SCN2A: variants seen among roughly 807,000 people sequenced by gnomAD.
SCN2A encodes the protein sodium channel protein type 2 subunit alpha.
A neutral mutation model predicts 188.7 loss-of-function variants in SCN2A; 20 were observed. The ratio of observed to expected loss-of-function variants is 0.11; its 90% CI spans 0.07 to 0.15. The LOEUF (loss-of-function observed/expected upper bound fraction) is 0.15, where lower values mean the gene tolerates loss of function less well. SCN2A is among the 10% of genes least tolerant of loss of function. SCN2A has a pLI of 1.00. For synonymous variants in SCN2A, 804 were observed against 833.1 expected (o/e 0.97, Z 0.60); for missense variants, 1,278 against 2,445.0 (o/e 0.52, Z 10.07).
chr2:165,283,127 G>A (rs920865201), intron 1 of SCN2A, among the ~76,000 whole-genome samples: 2 of 151,956 alleles, frequency 1.3e-5, no homozygotes, highest in African/African-American at 4.8e-5. Flanking sequence ...AGGAAAGGGA[G>A]TGAAACAACT....
intron 14 of SCN2A, among the ~76,000 whole-genome samples, chr2:165,335,241 A>G (rs1698921880): frequency 6.6e-6 from 1 of 151,676 alleles, no homozygotes; most frequent in African/African-American, 2.4e-5. Context: ...TATTTTGCAG[A>G]AAGTGATAAA....
In SCN2A at chr2:165,315,498, T is replaced by A. The variant is rs776838118; in HGVS notation, c.1411T>A (p.Ser471Thr). 6.2e-7 allele frequency: 1 copy of A among 1,613,934 alleles called. No homozygotes were observed. The change falls in exon 11 of 27, where the codon TCA becomes ACA. Residue 471 changes from serine to threonine, a missense_variant. Physicochemically the swap from Ser to Thr is moderately conservative, Grantham distance 58. Around this residue, in one of 17 missense-constraint regions of SCN2A, gnomAD observed 315 missense variants for 386.6 expected, o/e 0.81. Transcript: ENST00000375437. ...QAAAAAASAE[S>T]RDFSGAGGIG... ...GGCAGCTGCAGCCGCATCTGCTGAA[T>A]CAAGAGACTTCAGTGGTGCTGGTGG...
chr2:165,345,175 C>T (rs758005985), intron 16 of SCN2A, among the ~76,000 whole-genome samples: 2 of 152,056 alleles, frequency 1.3e-5, no homozygotes, highest in Non-Finnish European at 2.9e-5. Context: ...TCTTTCAGTT[C>T]TTGTACTAGA....
In SCN2A at chr2:165,344,799, T is replaced by A; in HGVS notation, c.2807T>A (p.Phe936Tyr). ...HDFFHSFLIVFRVLCGEWIET... is the reference protein window; with the variant it reads ...HDFFHSFLIVYRVLCGEWIET... ...TTTTTCCACTCCTTCCTGATCGTGT[T>A]CCGCGTGCTGTGTGGAGAGTGGATA... is the stretch of plus-strand genomic sequence containing the variant. Residue 936 changes from phenylalanine (F) to tyrosine (Y), a missense_variant, in exon 16 of 27, where the codon TTC (phenylalanine) becomes TAC (tyrosine). Transcript: ENST00000375437. 1 of 1,614,190 alleles carries A rather than the reference T, an allele frequency of 6.2e-7. No homozygotes were observed. The highest frequency in any genetic ancestry group is 8.5e-7 in the Non-Finnish European group (1 of 1,180,024).
chr2:165,374,572 C>T, intron 21 of SCN2A, 113 bp from the exon 22 acceptor site: 1 of 1,179,610 alleles, frequency 8.5e-7, no homozygotes, highest in South Asian at 1.3e-5. Flanking sequence ...ACCCAATATT[C>T]AACTTTGAAA....
intron 1 of SCN2A, among the ~76,000 whole-genome samples, chr2:165,264,866 A>G (rs1292229868): frequency 6.6e-6 from 1 of 152,040 alleles, no homozygotes; most frequent in African/African-American, 2.4e-5. Flanking sequence ...TATCCACTCT[A>G]TCACTGATGG....
chr2:165,262,077 G>A (rs1694618527), intron 1 of SCN2A, among the ~76,000 whole-genome samples: 1 of 152,112 alleles, frequency 6.6e-6, no homozygotes, highest in Non-Finnish European at 1.5e-5. Context: ...TCACTTCTGT[G>A]TATGTGTATT....
chr2:165,364,816 C>G (rs1700639688), intron 17 of SCN2A, among the ~76,000 whole-genome samples: 1 of 152,076 alleles, frequency 6.6e-6, no homozygotes, highest in East Asian at 1.9e-4. Context: ...AACTAATGTA[C>G]AAAAGCAAGA....
intron 1 of SCN2A, chr2:165,294,040 A>AACATT: frequency 3.2e-6 from 2 of 629,758 alleles, no homozygotes; most frequent in East Asian, 1.7e-4. Flanking sequence ...AAAAAAAAAG[A>AACATT]TTTTTTTTTT....
intron 1 of SCN2A, among the ~76,000 whole-genome samples, chr2:165,291,035 CTTTTTT>C (rs55979694): frequency 0.02 from 1,638 of 79,904 alleles, 23 homozygotes; most frequent in African/African-American, 0.06. Context: ...TCTTTTCTTT[CTTTTTT>C]TTTTTTTTTT....
rs1702107899 is a variant in SCN2A, at chr2:165,391,200, T to C, written c.*1376T>C. The C allele has an allele frequency of 6.6e-6, 1 of 152,548 alleles. No individual in the cohort carries two copies. The highest frequency in any genetic ancestry group is 2.1e-4 in the South Asian group (1 of 4,828). 9.4% of individuals were successfully genotyped at this position (152,548 alleles called of 1,614,324 possible). A position where few individuals can be genotyped will look rare whatever the true frequency, so the allele number is the denominator to read the frequency against. On this transcript the variant is annotated 3_prime_UTR_variant, in exon 27 of 27. Transcript: ENST00000375437. ...AGCAAATTGTTCTACCAAGACCTCATTCTTCATGTCATTAAGCAATAGGTT... is the reference window on the plus strand; with the variant it reads ...AGCAAATTGTTCTACCAAGACCTCACTCTTCATGTCATTAAGCAATAGGTT...
rs546002447 is a variant in SCN2A, at chr2:165,280,045, G to A, written c.-51-15728G>A. ...ATTGTGAGGCCTCCCCAACCAACAGGTGGAACTGTAAGTCCACTAAACCTC... is the reference window on the plus strand; with the variant it reads ...ATTGTGAGGCCTCCCCAACCAACAGATGGAACTGTAAGTCCACTAAACCTC... On this transcript the variant is annotated intron_variant, in intron 1 of 26. Coordinates refer to ENST00000375437, the MANE Select transcript of SCN2A (RefSeq NM_001040142.2). Among the ~76,000 whole-genome samples the A allele has an allele frequency of 1.8e-4, 28 of 152,232 alleles. No individual in the cohort carries two copies. In the South Asian group the frequency reaches 3.9e-3, roughly 21 times the overall value.
chr2:165,287,676 C>T (rs1183860529), intron 1 of SCN2A, among the ~76,000 whole-genome samples: 1 of 152,160 alleles, frequency 6.6e-6, no homozygotes, highest in Admixed American at 6.5e-5. Flanking sequence ...GCCTAACTAC[C>T]TACTCTAACA....
intron 11 of SCN2A, among the ~76,000 whole-genome samples, chr2:165,316,347 A>T (rs1559358009): frequency 6.6e-6 from 1 of 152,044 alleles, no homozygotes; most frequent in East Asian, 1.9e-4. Context: ...TTCATGTTAA[A>T]CATGGGACTT....
At chr2:165,296,502 T>C (rs896092132) in intron 2 of SCN2A, 2 of 232,674 alleles carry the variant, frequency 8.6e-6, no homozygotes, top group Non-Finnish European at 1.7e-5. Context: ...CTTTATAGTC[T>C]CTAGCTCTCC....
At chr2:165,305,212 A>G (rs943046656) in intron 3 of SCN2A, among the ~76,000 whole-genome samples, 1 of 152,226 alleles carries the variant, frequency 6.6e-6, no homozygotes, top group Non-Finnish European at 1.5e-5. Flanking sequence ...TGCACATTTT[A>G]TAAGACACAG....
chr2:165,356,345 T>C (rs959641602), intron 17 of SCN2A, among the ~76,000 whole-genome samples: 15 of 152,190 alleles, frequency 9.9e-5, no homozygotes, highest in African/African-American at 3.6e-4. Flanking sequence ...TATCTTAAAA[T>C]CTTATTAACA....
At chr2:165,242,445 G>A (rs1693664505) in intron 1 of SCN2A, among the ~76,000 whole-genome samples, 1 of 152,058 alleles carries the variant, frequency 6.6e-6, no homozygotes, top group Admixed American at 6.6e-5. Context: ...AACCCATAAA[G>A]GGGTTGGTTC....
chr2:165,338,223 A>G (rs1435896538), intron 14 of SCN2A, among the ~76,000 whole-genome samples: 1 of 151,786 alleles, frequency 6.6e-6, no homozygotes, highest in Non-Finnish European at 1.5e-5. Context: ...GTGGGGATTT[A>G]TAACATAGGT....
Sources: allele counts gnomAD v4.1 joint callset (sites outside exome capture counted in the v4.1 genomes callset), GRCh38; gene constraint gnomAD v4.1.1; regional missense constraint gnomAD v4.1.1; transcripts MANE v1.5; gene names NCBI Gene and HGNC (gene_info 2026-07-23, HGNC 2026-07-21).